The following MYRIP variants were observed in gnomAD, a reference collection of about 807,000 sequenced individuals.
The protein encoded by MYRIP is rab effector MyRIP.
MYRIP carries 49 observed loss-of-function variants against 98.0 expected under a neutral mutation model. The ratio of observed to expected loss-of-function variants is 0.50; its 90% CI spans 0.40 to 0.63. MYRIP has a LOEUF of 0.63. Ranked by LOEUF, MYRIP falls within the 30% of genes least tolerant of loss-of-function variation. The pLI, the probability that MYRIP is intolerant of heterozygous loss-of-function variation, is 0.00. For synonymous variants in MYRIP, 404 were observed against 409.5 expected (o/e 0.99, Z 0.16); for missense variants, 1,004 against 1,058.2 (o/e 0.95, Z 0.71).
intron 3 of MYRIP, among the ~76,000 whole-genome samples, chr3:40,072,227 G>A (rs1948246443): frequency 6.6e-6 from 1 of 151,616 alleles, no homozygotes; most frequent in South Asian, 2.1e-4. Flanking sequence ...TTATTTTTTG[G>A]AGACAGAGTC....
intron 1 of MYRIP, among the ~76,000 whole-genome samples, chr3:39,857,761 A>G (rs1942348779): frequency 6.6e-6 from 1 of 152,226 alleles, no homozygotes; most frequent in South Asian, 2.1e-4. Context: ...GTGAAGGAGC[A>G]AGAGCAAAAT....
chr3:40,208,573 T>C (rs1441325325), intron 10 of MYRIP, among the ~76,000 whole-genome samples: 1 of 152,182 alleles, frequency 6.6e-6, no homozygotes, highest in Non-Finnish European at 1.5e-5. Context: ...GCAGGAGATA[T>C]AATTATTAAG....
intron 3 of MYRIP, among the ~76,000 whole-genome samples, chr3:40,140,511 T>C (rs1330124374): frequency 1.3e-5 from 2 of 152,210 alleles, no homozygotes; most frequent in Non-Finnish European, 2.9e-5. Context: ...ATGATAGTTC[T>C]ATTTGTAGTT....
intron 11 of MYRIP, among the ~76,000 whole-genome samples, chr3:40,227,986 C>A (rs1575658195): frequency 1.3e-5 from 2 of 152,356 alleles, no homozygotes; most frequent in South Asian, 4.1e-4. Flanking sequence ...CCTGTATGTG[C>A]AAATAAGGAG....
At chr3:40,169,879 TC>T in intron 7 of MYRIP, 70 bp from the exon 8 acceptor site, 1 of 1,592,420 alleles carries the variant, frequency 6.3e-7, no homozygotes. Flanking sequence ...CCAAAGATGG[TC>T]CCAGTTACTC....
chr3:40,212,229 C>T (rs1350318904), intron 11 of MYRIP, among the ~76,000 whole-genome samples: 1,268 of 10,668 alleles, frequency 0.12, 352 homozygotes, highest in Admixed American at 0.51. Flanking sequence ...TATATATACA[C>T]ACACACACAC....
At chr3:40,185,481 C>T (rs987654213) in intron 9 of MYRIP, among the ~76,000 whole-genome samples, 3 of 152,010 alleles carry the variant, frequency 2.0e-5, no homozygotes, top group Non-Finnish European at 4.4e-5. Flanking sequence ...GCAGGATCCC[C>T]GAGGGGTGTT....
chr3:39,881,205 C>CA (rs1343296588), intron 1 of MYRIP, among the ~76,000 whole-genome samples: 1 of 150,638 alleles, frequency 6.6e-6, no homozygotes, highest in East Asian at 1.9e-4. Context: ...CAACTCTGAG[C>CA]ATTACACCCA....
chr3:40,246,000 G>A (rs969314514), intron 13 of MYRIP, among the ~76,000 whole-genome samples: 5 of 149,940 alleles, frequency 3.3e-5, no homozygotes, highest in Non-Finnish European at 5.9e-5. Context: ...GACCTCAGGC[G>A]ATCCACCCGC....
chr3:40,066,402 T>C (rs963834778), intron 3 of MYRIP, among the ~76,000 whole-genome samples: 1 of 152,188 alleles, frequency 6.6e-6, no homozygotes, highest in Non-Finnish European at 1.5e-5. Flanking sequence ...AGAAAACTTT[T>C]TTTTTCCTTT....
At position 40,144,756 on chromosome 3, in the gene MYRIP, GT is replaced by G. The variant is rs574823840; in HGVS notation, c.333-6286del. On this transcript the variant is annotated intron_variant, in intron 3 of 16. Transcript: ENST00000302541. ...AAATTCTGAAAATAGCTTTATCAGT[GT>G]TTTTTAAATAAAAATGACAGATGCT... Among the ~76,000 whole-genome samples the G allele has an allele frequency of 8.1e-3, 1,234 of 152,250 alleles. 10 individuals are homozygous for G. Among genetic ancestry groups the G allele is most frequent in the Middle Eastern group, 0.041 (12 of 294 alleles).
rs537909682 is a variant in MYRIP at position 40,015,441 on chromosome 3, C to G, written c.111-28609C>G. Among the ~76,000 whole-genome samples the G allele has an allele frequency of 6.6e-5, 10 of 152,330 alleles. 1 individual carries two copies. In the East Asian group the frequency reaches 1.9e-3, roughly 29 times the overall value. Reference sequence around the variant, plus strand: ...ATGACCCTGAGTCACACTTCAGGCTCACCTTTCACAGAGGCTACAGTAACA... The same window carrying G: ...ATGACCCTGAGTCACACTTCAGGCTGACCTTTCACAGAGGCTACAGTAACA... On this transcript the variant is annotated intron_variant, in intron 2 of 16. Coordinates refer to ENST00000302541, the MANE Select transcript of MYRIP (RefSeq NM_015460.4).
intron 2 of MYRIP, among the ~76,000 whole-genome samples, chr3:40,031,604 G>A (rs1162084030): frequency 1.3e-5 from 2 of 151,964 alleles, no homozygotes; most frequent in African/African-American, 2.4e-5. Context: ...CTGGCTTAGC[G>A]GATCTACAAA....
intron 2 of MYRIP, among the ~76,000 whole-genome samples, chr3:39,991,569 C>A (rs1044817436): frequency 6.6e-6 from 1 of 150,654 alleles, no homozygotes; most frequent in African/African-American, 2.5e-5. Context: ...CTGTAGCCAC[C>A]CTGTCCTCTT....
chr3:40,251,097 A>G (rs1448041409), intron 15 of MYRIP, among the ~76,000 whole-genome samples: 1 of 152,244 alleles, frequency 6.6e-6, no homozygotes, highest in Non-Finnish European at 1.5e-5. Context: ...TGGCAATGCC[A>G]GTCATGTCGC....
chr3:39,856,306 C>G (rs1942293635), intron 1 of MYRIP, among the ~76,000 whole-genome samples: 1 of 151,574 alleles, frequency 6.6e-6, no homozygotes, highest in South Asian at 2.1e-4. Flanking sequence ...ACATGCTGCT[C>G]TGTTCATACA....
At chr3:39,826,824 T>A (rs1439047283) in intron 1 of MYRIP, among the ~76,000 whole-genome samples, 1 of 152,194 alleles carries the variant, frequency 6.6e-6, no homozygotes, top group Non-Finnish European at 1.5e-5. Flanking sequence ...GCTCCAGTAT[T>A]GGTTGCATAT....
intron 2 of MYRIP, among the ~76,000 whole-genome samples, chr3:39,966,031 T>C (rs565662707): frequency 1.2e-4 from 19 of 152,264 alleles, no homozygotes; most frequent in African/African-American, 4.3e-4. Context: ...CAAAATGATG[T>C]GGGTGGCTGC....
intron 10 of MYRIP, among the ~76,000 whole-genome samples, chr3:40,192,636 T>C (rs1044242100): frequency 5.3e-5 from 8 of 152,104 alleles, no homozygotes; most frequent in Admixed American, 2.0e-4. Flanking sequence ...CAGTAAGTGA[T>C]AGAGGTGTCA....
Sources: allele counts gnomAD v4.1 joint callset (sites outside exome capture counted in the v4.1 genomes callset), GRCh38; gene constraint gnomAD v4.1.1; transcripts MANE v1.5; gene names NCBI Gene and HGNC (gene_info 2026-07-23, HGNC 2026-07-21).